The following MDH1 variants were observed in gnomAD, a reference collection of about 807,000 sequenced individuals.
The protein encoded by MDH1 is malate dehydrogenase 1, also known as malate dehydrogenase, cytoplasmic.
MDH1 carries 15 observed loss-of-function variants against 38.7 expected under a neutral mutation model. The observed-to-expected ratio is 0.39, with a 90% CI of 0.26 to 0.60. MDH1 has a LOEUF of 0.60. MDH1 is among the 20% of genes least tolerant of loss of function. MDH1 has a pLI of 0.56. For missense variants in MDH1, 368 were observed against 405.2 expected (o/e 0.91, Z 0.79); for synonymous variants, 144 against 143.6 (o/e 1.00, Z -0.02).
chr2:63,594,867 AC>A, intron 2 of MDH1: 1 of 314,978 alleles, frequency 3.2e-6, no homozygotes, highest in Non-Finnish European at 5.9e-6. Context: ...AATGACAGTA[AC>A]TTACAGTCAT....
Position 63,604,804 on chromosome 2 carries a change from C to G in MDH1, c.607C>G (p.Gln203Glu), listed in dbSNP as rs372478225. The G allele has an allele frequency of 1.5e-5, 25 of 1,614,006 alleles. No homozygotes were observed. In the South Asian group the frequency reaches 2.4e-4, roughly 16 times the overall value. The change falls in exon 6 of 9, where the codon CAA (glutamine) becomes GAA (glutamate). Residue 203 changes from glutamine to glutamate, a missense_variant. Gln to Glu is a conservative substitution (Grantham distance 29, BLOSUM62 2). Transcript: ENST00000233114. ...PDVNHAKVKL[Q>E]GKEVGVYEAL... is the part of the protein sequence containing the mutation. ...TGTCAACCATGCCAAGGTGAAATTGCAAGGAAAGGAAGTTGGTGTTTATGA... is the reference window on the plus strand; with the variant it reads ...TGTCAACCATGCCAAGGTGAAATTGGAAGGAAAGGAAGTTGGTGTTTATGA...
intron 4 of MDH1, among the ~76,000 whole-genome samples, chr2:63,598,800 T>C (rs1255): frequency 0.8 from 121,752 of 151,574 alleles, 49,551 homozygotes; most frequent in East Asian, 0.98. Flanking sequence ...GTAATTCCAC[T>C]TCTTCAAAGC....
intron 1 of MDH1, chr2:63,593,196 T>C (rs1709233943): frequency 6.1e-6 from 1 of 164,686 alleles, no homozygotes; most frequent in African/African-American, 2.4e-5. Flanking sequence ...GCCTCCCGGG[T>C]TCAAGTGATT....
chr2:63,589,183 T>A (rs1709093851), intron 1 of MDH1, 137 bp downstream of exon 1: 2 of 1,605,528 alleles, frequency 1.2e-6, no homozygotes, highest in Admixed American at 1.7e-5. Context: ...CGGACTCATC[T>A]TCTGGGGATT....
At position 63,588,997 on chromosome 2, in the gene MDH1, T is replaced by A. The variant is rs756964732; in HGVS notation, c.-47T>A. The stretch of plus-strand genomic sequence containing the variant: ...CCGCGGTAGAGGTGACCTGACTCTC[T>A]GAGGCTCATTTTGCAGTTGTTGAAA... On this transcript the variant is annotated 5_prime_UTR_variant, in exon 1 of 9. Coordinates refer to ENST00000233114, the MANE Select transcript of MDH1 (RefSeq NM_005917.4). 6.2e-7 allele frequency: 1 copy of A among 1,614,072 alleles called. No homozygotes were observed. The highest frequency in any genetic ancestry group is 1.3e-5 in the African/African-American group (1 of 74,950).
At chr2:63,602,810 C>CACTCAGTTT (rs1681591187) in intron 5 of MDH1, among the ~76,000 whole-genome samples, 1 of 152,142 alleles carries the variant, frequency 6.6e-6, no homozygotes, top group Non-Finnish European at 1.5e-5. Flanking sequence ...GGCTCTTTTT[C>CACTCAGTTT]ACTCAGTTTA....
At chr2:63,592,235 A>G (rs905752613) in intron 1 of MDH1, among the ~76,000 whole-genome samples, 4 of 152,260 alleles carry the variant, frequency 2.6e-5, no homozygotes, top group Non-Finnish European at 5.9e-5. Flanking sequence ...AGGTAATATC[A>G]TTAGTACTAA....
chr2:63,597,682 C>T (rs2106612192), intron 4 of MDH1, 108 bp downstream of exon 4: 1 of 990,096 alleles, frequency 1.0e-6, no homozygotes, highest in East Asian at 3.2e-5. Flanking sequence ...TAGTTCTGTA[C>T]AATCATCAGT....
chr2:63,605,754 G>T, intron 7 of MDH1, 185 bp from the exon 8 acceptor site: 1 of 617,118 alleles, frequency 1.6e-6, no homozygotes, highest in Middle Eastern at 4.2e-4. Context: ...TGATATGGAA[G>T]CGTGGAATGA....
chr2:63,601,180 T>C (rs552027693), intron 5 of MDH1, among the ~76,000 whole-genome samples: 5 of 152,228 alleles, frequency 3.3e-5, no homozygotes, highest in Non-Finnish European at 7.3e-5. Context: ...CAATCTGGCA[T>C]AGTGAGAGCT....
At chr2:63,589,282 C>T (rs942463968) in intron 1 of MDH1, 26 of 1,551,000 alleles carry the variant, frequency 1.7e-5, no homozygotes, top group Non-Finnish European at 2.2e-5. Context: ...AGTAGTTGTC[C>T]TGGGAGAGGA....
chr2:63,596,028 G>A (rs544318709), intron 3 of MDH1, among the ~76,000 whole-genome samples: 6 of 152,218 alleles, frequency 3.9e-5, no homozygotes, highest in African/African-American at 1.4e-4. Context: ...AGTGTAAATT[G>A]TCCTTACCAT....
chr2:63,591,444 C>T (rs1435519650), intron 1 of MDH1, among the ~76,000 whole-genome samples: 1 of 152,246 alleles, frequency 6.6e-6, no homozygotes, highest in Non-Finnish European at 1.5e-5. Flanking sequence ...GTGGAATTAA[C>T]TGTTCATTAG....
At position 63,589,019 on chromosome 2, in the gene MDH1, G is replaced by A. The variant is rs1414747597; in HGVS notation, c.-25G>A. 1.2e-6 allele frequency: 2 copies of A among 1,614,212 alleles called. No individual in the cohort carries two copies. The highest frequency in any genetic ancestry group is 1.7e-5 in the Admixed American group (1 of 60,030). On this transcript the variant is annotated 5_prime_UTR_variant, in exon 1 of 9. Transcript: ENST00000233114. Reference sequence around the variant, plus strand: ...CTCTGAGGCTCATTTTGCAGTTGTTGAAATTGTCCCCGCAGTTTTCAATCA... The same window carrying A: ...CTCTGAGGCTCATTTTGCAGTTGTTAAAATTGTCCCCGCAGTTTTCAATCA...
At chr2:63,594,378 A>G (rs1182991456) in intron 1 of MDH1, 110 bp from the exon 2 acceptor site, 1 of 893,618 alleles carries the variant, frequency 1.1e-6, no homozygotes, top group Non-Finnish European at 1.9e-6. Flanking sequence ...GGACTTTAAA[A>G]TTTTACATTC....
chr2:63,606,545 G>A (rs538222135), intron 8 of MDH1, among the ~76,000 whole-genome samples: 3 of 152,142 alleles, frequency 2.0e-5, no homozygotes, highest in African/African-American at 7.2e-5. Context: ...TAGACACTAT[G>A]TTATTATGCC....
intron 1 of MDH1, chr2:63,589,491 A>G: frequency 8.9e-7 from 1 of 1,123,078 alleles, no homozygotes; most frequent in Admixed American, 2.0e-5. Flanking sequence ...AAAAAGCTGG[A>G]AAGGTAGTAT....
chr2:63,594,803 G>T (rs1295067154), intron 2 of MDH1: 2 of 427,792 alleles, frequency 4.7e-6, no homozygotes, highest in Non-Finnish European at 8.5e-6. Flanking sequence ...TCCATATATT[G>T]TACTCAGTTG....
At chr2:63,603,819 G>A (rs1046821872) in intron 5 of MDH1, among the ~76,000 whole-genome samples, 4 of 152,148 alleles carry the variant, frequency 2.6e-5, no homozygotes, top group African/African-American at 9.6e-5. Flanking sequence ...CACCAAGCCC[G>A]GCTAACTTTG....
Sources: gnomAD v4.1 joint callset for allele counts (sites outside exome capture counted in the v4.1 genomes callset) on GRCh38, gnomAD v4.1.1 for gene constraint, MANE v1.5 for transcripts, NCBI Gene and HGNC (gene_info 2026-07-23, HGNC 2026-07-21) for gene names.